PARD3: variants seen among roughly 807,000 people sequenced by gnomAD.
PARD3 encodes par-3 family cell polarity regulator.
In PARD3, 75 loss-of-function variants were observed where a neutral mutation model predicts 155.4. That is an observed-to-expected ratio of 0.48 (90% CI 0.40 to 0.58). The LOEUF is 0.58. Among genes scored for constraint, PARD3 ranks in the 20% least tolerant of loss-of-function variants. PARD3 has a pLI of 0.00. For missense variants in PARD3, 1,642 were observed against 1,721.7 expected (o/e 0.95, Z 0.82); for synonymous variants, 576 against 610.5 (o/e 0.94, Z 0.83).
intron 4 of PARD3, among the ~76,000 whole-genome samples, chr10:34,456,382 C>T (rs181958313): frequency 1.3e-5 from 2 of 152,248 alleles, no homozygotes; most frequent in East Asian, 1.9e-4. Context: ...CCACAACCTC[C>T]GTCTCCCTGG....
chr10:34,137,095 CTTTT>C (rs1164298165), intron 22 of PARD3, among the ~76,000 whole-genome samples: 2 of 152,090 alleles, frequency 1.3e-5, no homozygotes, highest in African/African-American at 4.8e-5. Flanking sequence ...CCCACACTTG[CTTTT>C]TTTAAGATTT....
intron 1 of PARD3, among the ~76,000 whole-genome samples, chr10:34,795,868 T>G (rs1842191969): frequency 1.3e-5 from 2 of 152,142 alleles, no homozygotes; most frequent in South Asian, 4.1e-4. Flanking sequence ...CACTCCAGCC[T>G]GGGCAACAAG....
At chr10:34,718,184 C>T (rs934478502) in intron 1 of PARD3, among the ~76,000 whole-genome samples, 1 of 149,720 alleles carries the variant, frequency 6.7e-6, no homozygotes, top group Non-Finnish European at 1.5e-5. Flanking sequence ...TTTTGGGAGG[C>T]AAGCCATAGG....
At chr10:34,484,943 C>G (rs1486298915) in intron 3 of PARD3, among the ~76,000 whole-genome samples, 1 of 152,148 alleles carries the variant, frequency 6.6e-6, no homozygotes, top group East Asian at 1.9e-4. Flanking sequence ...GTTTTAGGAC[C>G]TTCCTCCTCA....
intron 2 of PARD3, among the ~76,000 whole-genome samples, chr10:34,684,868 TACACACACATACAC>T (rs1345593506): frequency 1.7e-4 from 10 of 60,382 alleles, no homozygotes; most frequent in African/African-American, 4.3e-4. Flanking sequence ...TGTATATATA[TACACACACATACAC>T]ACACACACAC....
intron 1 of PARD3, among the ~76,000 whole-genome samples, chr10:34,756,343 C>T (rs571542837): frequency 1.3e-5 from 2 of 150,444 alleles, no homozygotes; most frequent in South Asian, 2.1e-4. Context: ...TTAGTAGAGA[C>T]GGGGTTTCAG....
At chr10:34,782,266 A>G (rs532717089) in intron 1 of PARD3, among the ~76,000 whole-genome samples, 34 of 152,332 alleles carry the variant, frequency 2.2e-4, no homozygotes, top group African/African-American at 7.5e-4. Context: ...CTATACCTGT[A>G]AGGAAAGACT....
At chr10:34,569,636 CT>C (rs1303382735) in intron 2 of PARD3, among the ~76,000 whole-genome samples, 1 of 152,056 alleles carries the variant, frequency 6.6e-6, no homozygotes, top group Non-Finnish European at 1.5e-5. Flanking sequence ...CCAGGATGAT[CT>C]CCATCTCCTG....
chr10:34,750,462 A>AACACACACACACACACAC (rs71033348), intron 1 of PARD3, among the ~76,000 whole-genome samples: 5 of 135,844 alleles, frequency 3.7e-5, no homozygotes, highest in African/African-American at 1.4e-4. Context: ...CTCTCTTTCA[A>AACACACACACACACACAC]ACACACACAC....
At chr10:34,320,611 G>A (rs956110991) in intron 19 of PARD3, among the ~76,000 whole-genome samples, 3 of 152,150 alleles carry the variant, frequency 2.0e-5, no homozygotes, top group Non-Finnish European at 2.9e-5. Context: ...CTGAAGTCAC[G>A]TTTGTTGCCA....
intron 23 of PARD3, among the ~76,000 whole-genome samples, chr10:34,130,176 C>CA (rs1947531581): frequency 6.6e-6 from 1 of 152,028 alleles, no homozygotes; most frequent in African/African-American, 2.4e-5. Flanking sequence ...TCCTAGAGTC[C>CA]AAAAAATACA....
intron 1 of PARD3, among the ~76,000 whole-genome samples, chr10:34,770,295 T>C (rs1452885391): frequency 6.6e-6 from 1 of 152,236 alleles, no homozygotes; most frequent in Non-Finnish European, 1.5e-5. Flanking sequence ...ACCTTTGAAC[T>C]GCAAAAGCAC....
At chr10:34,343,506 T>G (rs1837052333) in intron 15 of PARD3, 1 of 984,920 alleles carries the variant, frequency 1.0e-6, no homozygotes, top group East Asian at 1.1e-4. Context: ...TAATTTAGCA[T>G]TTTTTTCTCA....
chr10:34,703,882 C>A (rs1432830462), intron 1 of PARD3, among the ~76,000 whole-genome samples: 1 of 152,090 alleles, frequency 6.6e-6, no homozygotes, highest in Non-Finnish European at 1.5e-5. Context: ...GCCCAAATAC[C>A]GGTAAAGTAT....
intron 2 of PARD3, among the ~76,000 whole-genome samples, chr10:34,565,942 T>TC (rs1243525627): frequency 1.3e-5 from 2 of 152,208 alleles, no homozygotes; most frequent in Admixed American, 6.5e-5. Context: ...AAAATACACA[T>TC]CTTCATTTTT....
chr10:34,454,386 A>T (rs2077221035), intron 4 of PARD3, among the ~76,000 whole-genome samples: 1 of 152,152 alleles, frequency 6.6e-6, no homozygotes, highest in Non-Finnish European at 1.5e-5. Flanking sequence ...CCACTGAAAT[A>T]TACATCATGC....
chr10:34,737,090 A>G (rs879392350), intron 1 of PARD3, among the ~76,000 whole-genome samples: 3 of 152,230 alleles, frequency 2.0e-5, no homozygotes, highest in Admixed American at 1.3e-4. Flanking sequence ...AGACACAGTT[A>G]CAGAAACAGA....
intron 4 of PARD3, among the ~76,000 whole-genome samples, chr10:34,457,256 C>T (rs913212512): frequency 3.3e-5 from 5 of 152,140 alleles, no homozygotes; most frequent in African/African-American, 4.8e-5. Context: ...AAAACGGGCG[C>T]GGATTTCTCT....
At chr10:34,792,131 G>A (rs1034184026) in intron 1 of PARD3, among the ~76,000 whole-genome samples, 1 of 152,064 alleles carries the variant, frequency 6.6e-6, no homozygotes, top group African/African-American at 2.4e-5. Context: ...TGCTTGCCCC[G>A]GACCTGTGCA....
Sources: allele counts gnomAD v4.1 joint callset (sites outside exome capture counted in the v4.1 genomes callset), GRCh38; gene constraint gnomAD v4.1.1; transcripts MANE v1.5; gene names NCBI Gene and HGNC (gene_info 2026-07-23, HGNC 2026-07-21).